NRG3: variants seen among roughly 807,000 people sequenced by gnomAD.
The protein encoded by NRG3 is pro-neuregulin-3, membrane-bound isoform.
In NRG3, 31 loss-of-function variants were observed where a neutral mutation model predicts 66.9. That is an observed-to-expected ratio of 0.46 (90% CI 0.35 to 0.63). The LOEUF (loss-of-function observed/expected upper bound fraction) is 0.63. NRG3 is among the 20% of genes least tolerant of loss of function. The pLI is 0.00. For synonymous variants in NRG3, 393 were observed against 359.4 expected (o/e 1.09, Z -1.06); for missense variants, 910 against 878.9 (o/e 1.04, Z -0.45).
chr10:82,131,399 A>G lies in NRG3; in HGVS notation c.824-227340A>G, dbSNP rs145780078. Among the ~76,000 whole-genome samples the G allele has an allele frequency of 2.4e-4, 36 of 152,008 alleles. 1 individual carries two copies. In the East Asian group the frequency reaches 5.4e-3, roughly 23 times the overall value. On this transcript the variant is annotated intron_variant, in intron 1 of 8. Transcript: ENST00000372141. ...TCTCTATTCTGTTCCATTAGTCTATATGTCTGTTTTTATGTATCCATGCTG... is the reference window on the plus strand; with the variant it reads ...TCTCTATTCTGTTCCATTAGTCTATGTGTCTGTTTTTATGTATCCATGCTG...
intron 4 of NRG3, among the ~76,000 whole-genome samples, chr10:82,947,638 A>G (rs554557107): frequency 6.6e-6 from 1 of 152,210 alleles, no homozygotes; most frequent in South Asian, 2.1e-4. Context: ...GGGGTGCCAT[A>G]TATCTCATTA....
At chr10:82,673,014 G>A (rs889417252) in intron 2 of NRG3, among the ~76,000 whole-genome samples, 1 of 152,242 alleles carries the variant, frequency 6.6e-6, no homozygotes, top group Non-Finnish European at 1.5e-5. Flanking sequence ...GCCTCCCAAA[G>A]TGTTGGGATT....
rs181008280 is a variant in NRG3 at position 82,493,298 on chromosome 10, A to G, written c.953+134430A>G. Among the ~76,000 whole-genome samples the G allele has an allele frequency of 8.5e-5, 13 of 152,164 alleles. No individual in the cohort carries two copies. In the East Asian group the frequency reaches 2.5e-3, roughly 30 times the overall value. ...CCCTACCCTGACCTAACCCCCTAACAGGCCCCAGTTCGTGTTGTTCCTCTC... is the reference window on the plus strand; with the variant it reads ...CCCTACCCTGACCTAACCCCCTAACGGGCCCCAGTTCGTGTTGTTCCTCTC... On this transcript the variant is annotated intron_variant, in intron 2 of 8. Transcript: ENST00000372141.
intron 1 of NRG3, among the ~76,000 whole-genome samples, chr10:81,937,056 GCTTCACATAATGT>G (rs1488895630): frequency 1.3e-5 from 2 of 152,006 alleles, no homozygotes; most frequent in African/African-American, 2.4e-5. Context: ...GGCTTATTTC[GCTTCACATAATGT>G]CCTCAAGGTT....
chr10:82,457,114 C>T (rs925957953), intron 2 of NRG3, among the ~76,000 whole-genome samples: 39 of 152,004 alleles, frequency 2.6e-4, no homozygotes, highest in African/African-American at 9.4e-4. Context: ...TCTGTGATGC[C>T]ACTCACACTA....
At chr10:82,746,604 A>G (rs2058656801) in intron 3 of NRG3, among the ~76,000 whole-genome samples, 1 of 152,198 alleles carries the variant, frequency 6.6e-6, no homozygotes. Flanking sequence ...TTTCAAAGTC[A>G]GAGAGGGAGA....
chr10:82,843,918 G>A (rs866288139), intron 3 of NRG3, among the ~76,000 whole-genome samples: 6 of 152,152 alleles, frequency 3.9e-5, no homozygotes, highest in South Asian at 2.1e-4. Flanking sequence ...TATCTACATA[G>A]CAACTAAGTA....
Position 82,470,689 on chromosome 10 carries a change from C to T in NRG3, c.953+111821C>T, listed in dbSNP as rs558812658. ...TGTCTCAGTGACAAACCTCAGTGTC[C>T]TCTGGCAATGGTCACATTTGCTGTT... On this transcript the variant is annotated intron_variant, in intron 2 of 8. Coordinates refer to ENST00000372141, the MANE Select transcript of NRG3 (RefSeq NM_001010848.4). 8.5e-5 allele frequency among the ~76,000 whole-genome samples: 13 copies of T among 152,302 alleles called. No homozygotes were observed. In the East Asian group the frequency reaches 2.5e-3, roughly 29 times the overall value.
chr10:82,559,548 G>C (rs2044887217), intron 2 of NRG3, among the ~76,000 whole-genome samples: 1 of 152,128 alleles, frequency 6.6e-6, no homozygotes, highest in African/African-American at 2.4e-5. Context: ...TATGAACAAG[G>C]GTTGGACCCA....
intron 2 of NRG3, among the ~76,000 whole-genome samples, chr10:82,458,370 C>G (rs2091364694): frequency 3.3e-5 from 5 of 152,200 alleles, no homozygotes; most frequent in Admixed American, 2.6e-4. Flanking sequence ...AGAGCATCCA[C>G]TCTGTTCCAG....
At chr10:82,101,349 T>TA (rs2066710674) in intron 1 of NRG3, among the ~76,000 whole-genome samples, 1 of 151,882 alleles carries the variant, frequency 6.6e-6, no homozygotes. Flanking sequence ...ACACCATTGA[T>TA]ATGTTTATTA....
At chr10:82,430,840 C>A (rs2089757830) in intron 2 of NRG3, among the ~76,000 whole-genome samples, 1 of 152,172 alleles carries the variant, frequency 6.6e-6, no homozygotes. Context: ...TGCCAATGGG[C>A]TCTCTACTTG....
At chr10:82,069,426 G>C (rs189407474) in intron 1 of NRG3, among the ~76,000 whole-genome samples, 289 of 152,260 alleles carry the variant, frequency 1.9e-3, no homozygotes, top group Non-Finnish European at 2.9e-3. Context: ...GTGAGGCACC[G>C]GGCACACATG....
intron 1 of NRG3, among the ~76,000 whole-genome samples, chr10:82,302,309 T>C (rs555552797): frequency 5.3e-5 from 8 of 152,264 alleles, no homozygotes; most frequent in Middle Eastern, 3.4e-3. Context: ...CAATTTATAT[T>C]AAAGTTAATT....
intron 1 of NRG3, among the ~76,000 whole-genome samples, chr10:82,115,400 C>T (rs2067646755): frequency 6.6e-6 from 1 of 152,224 alleles, no homozygotes; most frequent in East Asian, 1.9e-4. Context: ...CTGATTGAAA[C>T]TTGTATCAAA....
intron 2 of NRG3, among the ~76,000 whole-genome samples, chr10:82,577,156 A>G (rs1181583107): frequency 2.6e-5 from 4 of 151,774 alleles, no homozygotes; most frequent in African/African-American, 7.3e-5. Flanking sequence ...ATAATTCCCA[A>G]CATACCAAGA....
Position 82,640,305 on chromosome 10 carries a change from A to G in NRG3, c.954-98272A>G, listed in dbSNP as rs566221785. ...ACTTGATAAATAAAATGTGGTACAT[A>G]TACACCATGGAATACTATGGAGCCC... is the stretch of plus-strand genomic sequence containing the variant. On this transcript the variant is annotated intron_variant, in intron 2 of 8. Coordinates refer to ENST00000372141, the MANE Select transcript of NRG3 (RefSeq NM_001010848.4). Among the ~76,000 whole-genome samples, 7 of 152,366 alleles carry G rather than the reference A, an allele frequency of 4.6e-5. No individual in the cohort carries two copies. In the South Asian group the frequency reaches 1.0e-3, roughly 23 times the overall value.
At chr10:82,459,778 T>C (rs1034927976) in intron 2 of NRG3, among the ~76,000 whole-genome samples, 1 of 152,240 alleles carries the variant, frequency 6.6e-6, no homozygotes, top group Non-Finnish European at 1.5e-5. Context: ...ATACCATTTC[T>C]TTCAGGAGCT....
At chr10:81,877,240 T>A (rs1271599220) in intron 1 of NRG3, among the ~76,000 whole-genome samples, 1 of 152,174 alleles carries the variant, frequency 6.6e-6, no homozygotes, top group African/African-American at 2.4e-5. Context: ...AACCCCCACC[T>A]TGTTCTTATT....
Sources: gnomAD v4.1 joint callset for allele counts (sites outside exome capture counted in the v4.1 genomes callset) on GRCh38, gnomAD v4.1.1 for gene constraint, MANE v1.5 for transcripts, NCBI Gene and HGNC (gene_info 2026-07-23, HGNC 2026-07-21) for gene names.